ZNF534: variants seen among roughly 807,000 people sequenced by gnomAD.
The protein encoded by ZNF534 is KRAB domain only 3.
A neutral mutation model predicts 13.6 loss-of-function variants in ZNF534; 19 were observed. The observed-to-expected ratio is 1.40, with a 90% CI of 0.97 to 2.05. The LOEUF (loss-of-function observed/expected upper bound fraction) is 2.05. Among genes scored for constraint, ZNF534 ranks in the 30% most tolerant of loss-of-function variants. The pLI is 0.00. For synonymous variants in ZNF534, 244 were observed against 273.8 expected, an observed-to-expected ratio of 0.89 and a Z score of 1.07; for missense variants, 782 against 796.3, an observed-to-expected ratio of 0.98 and a Z score of 0.22.
chr19:52,434,166 G>A (rs1482185924), intron 3 of ZNF534, 85 bp downstream of exon 3: 7 of 1,544,142 alleles, frequency 4.5e-6, no homozygotes, highest in Non-Finnish European at 5.2e-6. Flanking sequence ...GGGAGCCCCT[G>A]CATTGCTTGA....
In ZNF534 at chr19:52,439,075, C is replaced by T. The variant is rs756322913; in HGVS notation, c.1615C>T (p.Arg539Ter). Reference protein sequence around the residue: ...KVFRRNSHLVRHRNVHTGEKP... With the variant: ...KVFRRNSHLV ...CTTCCGTCGGAATTCACACCTTGTGCGACATAGGAATGTTCATACTGGAGA... is the reference window on the plus strand; with the variant it reads ...CTTCCGTCGGAATTCACACCTTGTGTGACATAGGAATGTTCATACTGGAGA... Residue 539 changes from arginine to a stop codon, truncating the protein, a stop_gained, in exon 5 of 5, where the codon CGA becomes TGA. Coordinates refer to ENST00000433050, the MANE Select transcript of ZNF534 (RefSeq NM_001143938.3). LOFTEE classifies it low-confidence loss of function (END_TRUNC). 39 of 1,592,432 alleles carry T rather than the reference C, an allele frequency of 2.4e-5. No homozygotes were observed. Among genetic ancestry groups the T allele is most frequent in the South Asian group, 1.3e-4 (12 of 89,000 alleles).
At chr19:52,449,016 C>T (rs2059203648) in intron 4 of ZNF534, among the ~76,000 whole-genome samples, 1 of 152,088 alleles carries the variant, frequency 6.6e-6, no homozygotes, top group African/African-American at 2.4e-5. Context: ...TGCTAACCTC[C>T]CCACTCTCTG....
intron 2 of ZNF534, among the ~76,000 whole-genome samples, chr19:52,433,678 A>G (rs1260416030): frequency 6.6e-6 from 1 of 152,174 alleles, no homozygotes; most frequent in Non-Finnish European, 1.5e-5. Context: ...AATACCTAAC[A>G]TTTCTATACA....
chr19:52,433,657 T>C lies in ZNF534; in HGVS notation c.16-298T>C, dbSNP rs558181392. On this transcript the variant is annotated intron_variant, in intron 2 of 4. Coordinates refer to ENST00000433050, the MANE Select transcript of ZNF534 (RefSeq NM_001143938.3). ...CTGGGATTACAGGCATGAGCCGCCG[T>C]GCCCGGCAGTAATACCTAACATTTC... is the stretch of plus-strand genomic sequence containing the variant. Among the ~76,000 whole-genome samples the C allele has an allele frequency of 1.1e-3, 174 of 152,356 alleles. 1 individual carries two copies. The highest frequency in any genetic ancestry group is 1.7e-3 in the Non-Finnish European group (115 of 68,040).
In ZNF534 at chr19:52,440,692, A is replaced by G. The variant is rs1273070988; in HGVS notation, c.*1246A>G. Reference sequence around the variant, plus strand: ...GCTACTCAGGAGGCTGAGGCAGGAGAATCACTTAAACCCAGGAGATGGAGG... The same window carrying G: ...GCTACTCAGGAGGCTGAGGCAGGAGGATCACTTAAACCCAGGAGATGGAGG... On this transcript the variant is annotated 3_prime_UTR_variant, in exon 5 of 5. Coordinates refer to ENST00000433050, the MANE Select transcript of ZNF534 (RefSeq NM_001143938.3). Among the ~76,000 whole-genome samples, 4 of 24,234 alleles carry G rather than the reference A, an allele frequency of 1.7e-4. No homozygotes were observed. Among genetic ancestry groups the G allele is most frequent in the East Asian group, 1.5e-3 (4 of 2,624 alleles). 15.9% of individuals were successfully genotyped at this position (24,234 alleles called of 152,430 possible).
At chr19:52,444,718 TTA>T (rs1309882929), downstream of ZNF534, among the ~76,000 whole-genome samples, 4 of 151,730 alleles carry the variant, frequency 2.6e-5, no homozygotes, top group Non-Finnish European at 4.4e-5. Flanking sequence ...GTCAATGGAG[TTA>T]TGTTTCTAAG....
Position 52,441,658 on chromosome 19 carries a change from T to C in ZNF534, c.*2212T>C, listed in dbSNP as rs1233588656. 6.6e-6 allele frequency among the ~76,000 whole-genome samples: 1 copy of C among 152,244 alleles called. No individual in the cohort carries two copies. The highest frequency in any genetic ancestry group is 1.5e-5 in the Non-Finnish European group (1 of 68,044). ...TAATGTTCAGGCTTTACTGCCCATC[T>C]TGTAATCCATACTGCAGACAAACCT... On this transcript the variant is annotated 3_prime_UTR_variant, in exon 5 of 5. Coordinates refer to ENST00000433050, the MANE Select transcript of ZNF534 (RefSeq NM_001143938.3).
intron 4 of ZNF534, among the ~76,000 whole-genome samples, chr19:52,437,276 ATC>A (rs1485172188): frequency 6.6e-6 from 1 of 152,204 alleles, no homozygotes; most frequent in African/African-American, 2.4e-5. Flanking sequence ...TCTTCAGTAA[ATC>A]ACCTCACTCC....
chr19:52,450,685 G>GTTTTT (rs2059210909), intron 4 of ZNF534, among the ~76,000 whole-genome samples: 2 of 11,468 alleles, frequency 1.7e-4, no homozygotes, highest in East Asian at 1.6e-3. Flanking sequence ...TTTTTTTTTT[G>GTTTTT]TTTTTGTTTT....
At chr19:52,449,090 G>A (rs1246631459) in intron 4 of ZNF534, among the ~76,000 whole-genome samples, 2 of 152,138 alleles carry the variant, frequency 1.3e-5, no homozygotes, top group Non-Finnish European at 2.9e-5. Flanking sequence ...ATACGAGTGA[G>A]AGTATGAGAT....
At chr19:52,434,154 T>C in intron 3 of ZNF534, 73 bp downstream of exon 3, 1 of 1,564,330 alleles carries the variant, frequency 6.4e-7, no homozygotes, top group East Asian at 2.2e-5. Flanking sequence ...TGTGTGTCTC[T>C]CGGGAGCCCC....
Position 52,438,114 on chromosome 19 carries a change from C to G in ZNF534, c.654C>G (p.Asp218Glu). Reference protein sequence around the residue: ...HIADKTYKCSDCGEIFSSNSN... With the variant: ...HIADKTYKCSECGEIFSSNSN... The stretch of plus-strand genomic sequence containing the variant: ...CAGATAAAACTTACAAATGTAGTGA[C>G]TGTGGCGAGATCTTTAGTAGCAATT... The change falls in exon 5 of 5, where the codon GAC (aspartate) becomes GAG (glutamate). Residue 218 changes from aspartate to glutamate, a missense_variant. Around this residue, in one of 5 missense-constraint regions of ZNF534, gnomAD observed 591 missense variants for 574.0 expected, o/e 1.03. Coordinates refer to ENST00000433050, the MANE Select transcript of ZNF534 (RefSeq NM_001143938.3). 11 of 1,614,092 alleles carry G rather than the reference C, an allele frequency of 6.8e-6. No homozygotes were observed. Among genetic ancestry groups the G allele is most frequent in the Non-Finnish European group, 5.1e-6 (6 of 1,179,982 alleles).
At chr19:52,430,524 A>C (rs1182944847) in intron 1 of ZNF534, among the ~76,000 whole-genome samples, 1 of 151,486 alleles carries the variant, frequency 6.6e-6, no homozygotes, top group Non-Finnish European at 1.5e-5. Context: ...GCTCTGCATG[A>C]GCTTTGGTCA....
intron 4 of ZNF534, among the ~76,000 whole-genome samples, 153 bp downstream of exon 4, chr19:52,435,362 A>G (rs1468433315): frequency 6.6e-6 from 1 of 152,048 alleles, no homozygotes; most frequent in Non-Finnish European, 1.5e-5. Flanking sequence ...TTGGTCTTCC[A>G]AAGTGTTGGG....
At chr19:52,434,190 C>T in intron 3 of ZNF534, 109 bp downstream of exon 3, 4 of 1,492,498 alleles carry the variant, frequency 2.7e-6, no homozygotes, top group Middle Eastern at 1.8e-4. Flanking sequence ...AGATTGAAAC[C>T]TGTTGACTAA....
chr19:52,451,974 C>A, exon 5 of ZNF534: 1 of 341,394 alleles, frequency 2.9e-6, no homozygotes, highest in South Asian at 3.6e-5. Context: ...AACGAGAAGT[C>A]ATACCTTTTT....
Position 52,438,660 on chromosome 19 carries a change from T to C in ZNF534, c.1200T>C (p.His400=). 6.3e-7 allele frequency: 1 copy of C among 1,583,084 alleles called. No homozygotes were observed. The highest frequency in any genetic ancestry group is 8.6e-7 in the Non-Finnish European group (1 of 1,163,532). Residue 400 remains histidine, a synonymous_variant, in exon 5 of 5, where the codon CAT becomes CAC. Transcript: ENST00000433050. ...VFIGNSRLAR[H]RKIHTGGRRY... ...TTGGCAATTCACGCCTTGCACGACATAGGAAAATTCATACTGGGGGGAGGC... is the reference window on the plus strand; with the variant it reads ...TTGGCAATTCACGCCTTGCACGACACAGGAAAATTCATACTGGGGGGAGGC...
chr19:52,444,190 TC>T (rs1246833847), downstream of ZNF534, among the ~76,000 whole-genome samples: 1 of 152,124 alleles, frequency 6.6e-6, no homozygotes, highest in Non-Finnish European at 1.5e-5. Flanking sequence ...CATGGGGTAT[TC>T]CCTTGATGTA....
rs1020544181 is a variant in ZNF534, at chr19:52,439,876, C to T, written c.*430C>T. ...CTGAGGTTAGAAGTTCGAGACCAGC[C>T]TGACCAACATGGAGAAACCCCATCT... is the stretch of plus-strand genomic sequence containing the variant. On this transcript the variant is annotated 3_prime_UTR_variant, in exon 5 of 5. Transcript: ENST00000433050. Among the ~76,000 whole-genome samples the T allele has an allele frequency of 7.2e-5, 11 of 152,064 alleles. No homozygotes were observed. Among genetic ancestry groups the T allele is most frequent in the Non-Finnish European group, 5.9e-5 (4 of 68,026 alleles).
Sources: allele counts gnomAD v4.1 joint callset (sites outside exome capture counted in the v4.1 genomes callset), GRCh38; gene constraint gnomAD v4.1.1; regional missense constraint gnomAD v4.1.1; transcripts MANE v1.5; gene names NCBI Gene and HGNC (gene_info 2026-07-23, HGNC 2026-07-21).